MMP26: variants seen among roughly 807,000 people sequenced by gnomAD.
MMP26 encodes the protein matrix metallopeptidase 26.
A neutral mutation model predicts 31.0 loss-of-function variants in MMP26; 33 were observed. The ratio of observed to expected loss-of-function variants is 1.06; its 90% CI spans 0.81 to 1.42. MMP26 has a LOEUF of 1.42. MMP26 is among the 40% of genes most tolerant of loss of function. The pLI is 0.00. For missense variants in MMP26, 347 were observed against 316.1 expected, an observed-to-expected ratio of 1.10 and a Z score of -0.74; for synonymous variants, 122 against 114.9, an observed-to-expected ratio of 1.06 and a Z score of -0.40.
At chr11:4,890,429 T>G (rs901307904) in intron 2 of MMP26, 1 of 163,542 alleles carries the variant, frequency 6.1e-6, no homozygotes, top group Non-Finnish European at 1.4e-5. Context: ...GTGCATGGAG[T>G]GAGGGCTCAG....
intron 1 of MMP26, among the ~76,000 whole-genome samples, chr11:4,750,572 T>C (rs1235171496): frequency 6.6e-6 from 1 of 152,040 alleles, no homozygotes; most frequent in Non-Finnish European, 1.5e-5. Flanking sequence ...GTGTATACCA[T>C]GGAATCATAC....
At chr11:4,915,912 C>T (rs921339025) in intron 2 of MMP26, among the ~76,000 whole-genome samples, 17 of 152,150 alleles carry the variant, frequency 1.1e-4, no homozygotes, top group African/African-American at 4.1e-4. Context: ...ATGAGCCAAA[C>T]TGGGTGAGTT....
chr11:4,960,927 T>C (rs1315151871), intron 2 of MMP26, among the ~76,000 whole-genome samples: 2 of 152,082 alleles, frequency 1.3e-5, no homozygotes, highest in East Asian at 3.9e-4. Context: ...AAACAAACAG[T>C]ATACATAAAA....
chr11:4,724,220 A>G, intron 1 of MMP26: 1 of 475,120 alleles, frequency 2.1e-6, no homozygotes, highest in Non-Finnish European at 3.8e-6. Flanking sequence ...AACCAGGTGG[A>G]TGGGCCTTTG....
chr11:4,723,145 C>T, intron 1 of MMP26: 1 of 1,599,696 alleles, frequency 6.3e-7, no homozygotes, highest in South Asian at 1.1e-5. Flanking sequence ...AGTTGGCATC[C>T]TTAATGGCCA....
chr11:4,924,016 G>A (rs761974202), intron 2 of MMP26: 26 of 1,614,128 alleles, frequency 1.6e-5, no homozygotes, highest in South Asian at 1.1e-4. Context: ...TTGAAGACAA[G>A]GTGTGGATGA....
Position 4,924,118 on chromosome 11 carries a change from G to C in MMP26, c.-144-63950G>C, listed in dbSNP as rs759473353. 2.5e-6 allele frequency: 4 copies of C among 1,613,990 alleles called. No homozygotes were observed. The African/African-American group carries it at 4.0e-5, about 16-fold the overall frequency. ...CAGTGGGCAGTGTGGAAAGGCAAAG[G>C]CCTAAGTCTGTGACAGCTAGCATGC... is the stretch of plus-strand genomic sequence containing the variant. On this transcript the variant is annotated intron_variant, in intron 2 of 7. Coordinates refer to ENST00000380390, the MANE Select transcript of MMP26 (RefSeq NM_021801.5).
rs150598804 is a variant in MMP26, at chr11:4,893,563, C to T, written c.-144-94505C>T. On this transcript the variant is annotated intron_variant, in intron 2 of 7. Coordinates refer to ENST00000380390, the MANE Select transcript of MMP26 (RefSeq NM_021801.5). ...GAACACCCTCACTGCCTCAGTCATA[C>T]TCTTTCCTTTTGTTCCGATTCATTT... 4.2e-4 allele frequency among the ~76,000 whole-genome samples: 64 copies of T among 152,298 alleles called. 1 individual carries two copies. Among genetic ancestry groups the T allele is most frequent in the African/African-American group, 1.5e-3 (62 of 41,570 alleles).
chr11:4,780,974 G>A (rs927924672), intron 2 of MMP26, among the ~76,000 whole-genome samples: 9 of 151,902 alleles, frequency 5.9e-5, no homozygotes, highest in Admixed American at 5.9e-4. Flanking sequence ...AAAACTTGAT[G>A]CATGAAATAA....
In MMP26 at chr11:4,803,905, A is replaced by AC. The variant is rs772326508; in HGVS notation, c.-145+36567dup. ...AGACACCATGAAGCAGAAGGGGCTC[A>AC]CCCACAGCAGCCCTCTCAGCATCAC... On this transcript the variant is annotated intron_variant, in intron 2 of 7. Transcript: ENST00000380390. 70 of 1,613,012 alleles carry AC rather than the reference A, an allele frequency of 4.3e-5. 1 individual carries two copies. Among genetic ancestry groups the AC allele is most frequent in the Non-Finnish European group, 5.8e-5 (69 of 1,179,876 alleles).
At chr11:4,832,028 C>T (rs950384551) in intron 2 of MMP26, 3 of 152,112 alleles carry the variant, frequency 2.0e-5, no homozygotes, top group Admixed American at 6.6e-5. Flanking sequence ...TTTAATTTAA[C>T]CAACAACTGA....
At chr11:4,851,304 CAGTT>C (rs1849972491) in intron 2 of MMP26, among the ~76,000 whole-genome samples, 1 of 152,176 alleles carries the variant, frequency 6.6e-6, no homozygotes, top group South Asian at 2.1e-4. Context: ...GGAGCTCTGT[CAGTT>C]AGCACGGCAA....
At chr11:4,954,581 A>G (rs1846409120) in intron 2 of MMP26, among the ~76,000 whole-genome samples, 1 of 124,836 alleles carries the variant, frequency 8.0e-6, no homozygotes, top group African/African-American at 2.7e-5. Flanking sequence ...GCTTAACTGA[A>G]ATGGGGACAT....
chr11:4,777,319 A>T (rs1848802662), intron 2 of MMP26, among the ~76,000 whole-genome samples: 1 of 152,194 alleles, frequency 6.6e-6, no homozygotes. Context: ...TATATAGATA[A>T]TGAGTATCAG....
At chr11:4,817,243 G>T (rs1158813622) in intron 2 of MMP26, among the ~76,000 whole-genome samples, 2 of 152,138 alleles carry the variant, frequency 1.3e-5, no homozygotes, top group African/African-American at 4.8e-5. Flanking sequence ...GAAGGGAAGT[G>T]TAAGGGCATT....
At chr11:4,878,361 T>C (rs2133533936) in intron 2 of MMP26, among the ~76,000 whole-genome samples, 1 of 152,274 alleles carries the variant, frequency 6.6e-6, no homozygotes, top group African/African-American at 2.4e-5. Flanking sequence ...TGCCTTTATT[T>C]GTGTATTTAT....
intron 1 of MMP26, among the ~76,000 whole-genome samples, chr11:4,757,253 G>A (rs2133406904): frequency 6.6e-6 from 1 of 151,972 alleles, no homozygotes; most frequent in East Asian, 1.9e-4. Context: ...AATAAATGGT[G>A]CTAGAACAAT....
chr11:4,976,515 A>G lies in MMP26; in HGVS notation c.-144-11553A>G, dbSNP rs1314744162. Among the ~76,000 whole-genome samples the G allele has an allele frequency of 3.3e-5, 5 of 152,174 alleles. No homozygotes were observed. In the Middle Eastern group the frequency reaches 0.01, roughly 311 times the overall value. On this transcript the variant is annotated intron_variant, in intron 2 of 7. Transcript: ENST00000380390. The stretch of plus-strand genomic sequence containing the variant: ...TACTTACCAAGATCATGCTTAGTCC[A>G]TACTTCAAGGTAAGAAGGAGCTGAA...
chr11:4,762,464 C>T (rs949769090), intron 1 of MMP26, among the ~76,000 whole-genome samples: 2 of 152,122 alleles, frequency 1.3e-5, no homozygotes, highest in African/African-American at 4.8e-5. Context: ...TCCATATCAT[C>T]TTTGCAAGAA....
Sources: allele counts gnomAD v4.1 joint callset (sites outside exome capture counted in the v4.1 genomes callset), GRCh38; gene constraint gnomAD v4.1.1; transcripts MANE v1.5; gene names NCBI Gene and HGNC (gene_info 2026-07-23, HGNC 2026-07-21).